Variants in KRT8 observed in about 807,000 individuals in gnomAD.
KRT8 encodes keratin 8.
Under a neutral mutation model 43.0 loss-of-function variants are expected in KRT8, and 24 were observed. The ratio of observed to expected loss-of-function variants is 0.56; its 90% CI spans 0.40 to 0.78. The LOEUF is 0.78. Among genes scored for constraint, KRT8 ranks in the 30% least tolerant of loss-of-function variants. The pLI, the probability that KRT8 is intolerant of heterozygous loss-of-function variation, is 0.00. For missense variants in KRT8, 492 were observed against 638.4 expected (o/e 0.77, Z 2.47); for synonymous variants, 214 against 261.2 (o/e 0.82, Z 1.74).
upstream of KRT8, among the ~76,000 whole-genome samples, chr12:52,911,775 G>A (rs1433217960): frequency 2.0e-5 from 3 of 152,168 alleles, no homozygotes; most frequent in African/African-American, 7.2e-5. Flanking sequence ...GCTCATGCCT[G>A]TAATCCCAGC....
chr12:52,940,363 G>A (rs1247835843), intron 2 of KRT8, among the ~76,000 whole-genome samples: 1 of 150,478 alleles, frequency 6.6e-6, no homozygotes, highest in Non-Finnish European at 1.5e-5. Flanking sequence ...AACCTGGGAG[G>A]TGGAGGTTGC....
intron 2 of KRT8, among the ~76,000 whole-genome samples, chr12:52,913,324 G>A (rs1941672102): frequency 6.6e-6 from 1 of 152,056 alleles, no homozygotes; most frequent in South Asian, 2.1e-4. Context: ...GATATTGCAG[G>A]GTGGCCCTAA....
intron 2 of KRT8, among the ~76,000 whole-genome samples, chr12:52,924,359 G>C (rs900159167): frequency 6.6e-6 from 1 of 151,566 alleles, no homozygotes; most frequent in Non-Finnish European, 1.5e-5. Flanking sequence ...TGAGGCAGGA[G>C]AATGGCATGA....
rs1592165921 is a variant in KRT8, at chr12:52,904,282, G to T, written c.324+376C>A. Among the ~76,000 whole-genome samples, 3 of 152,274 alleles carry T rather than the reference G, an allele frequency of 2.0e-5. No individual in the cohort carries two copies. The South Asian group carries it at 6.2e-4, about 32-fold the overall frequency. On this transcript the variant is annotated intron_variant, in intron 1 of 7. Coordinates refer to ENST00000692008, the Ensembl canonical transcript of KRT8. Reference sequence around the variant, plus strand: ...TTAAAAGACGGTCAGAACTCGGGTTGGGGTGAGAACAATAACCGCTATTAT... The same window carrying T: ...TTAAAAGACGGTCAGAACTCGGGTTTGGGTGAGAACAATAACCGCTATTAT...
intron 2 of KRT8, among the ~76,000 whole-genome samples, chr12:52,937,340 T>C (rs1315197357): frequency 6.8e-6 from 1 of 147,696 alleles, no homozygotes; most frequent in Non-Finnish European, 1.5e-5. Flanking sequence ...CACTGCACAA[T>C]CCAGCCTGGG....
intron 2 of KRT8, among the ~76,000 whole-genome samples, chr12:52,926,878 G>A (rs1293127423): frequency 3.3e-5 from 5 of 152,098 alleles, no homozygotes; most frequent in African/African-American, 7.2e-5. Context: ...AAGTAGGGGC[G>A]TGTCTTATAC....
chr12:52,919,977 G>A (rs1401566846), intron 2 of KRT8, among the ~76,000 whole-genome samples: 1 of 152,144 alleles, frequency 6.6e-6, no homozygotes, highest in East Asian at 1.9e-4. Context: ...CCATGAGGAA[G>A]GTAACATTGT....
At chr12:52,930,516 C>T (rs1262132654) in intron 2 of KRT8, among the ~76,000 whole-genome samples, 2 of 152,020 alleles carry the variant, frequency 1.3e-5, no homozygotes, top group African/African-American at 2.4e-5. Flanking sequence ...CCACCACGCC[C>T]GGCCCCCAAT....
At chr12:52,905,191 G>T, upstream of KRT8, 1 of 883,256 alleles carries the variant, frequency 1.1e-6, no homozygotes, top group Non-Finnish European at 1.7e-6. Context: ...CTCCGGGCAG[G>T]ACTCAGGTGG....
intron 2 of KRT8, among the ~76,000 whole-genome samples, chr12:52,935,529 TAA>T (rs376953061): frequency 9.3e-5 from 12 of 129,450 alleles, no homozygotes; most frequent in Admixed American, 8.2e-5. Context: ...TGTCTCTACT[TAA>T]AAAAAAAAAA....
intron 4 of KRT8, 120 bp from the exon 5 acceptor site, chr12:52,900,185 T>C: frequency 9.9e-7 from 1 of 1,007,756 alleles, no homozygotes; most frequent in Non-Finnish European, 1.5e-6. Flanking sequence ...CAGGTGGGAG[T>C]CAGGGTCAGG....
Position 52,901,145 on chromosome 12 carries a change from G to C in KRT8, c.594+14C>G, listed in dbSNP as rs1446149381. ...GCCTCCAGTGTCCAGATAGGAGAAG[G>C]GAGACTCCCTCACCTTCTTGATGAG... On this transcript the variant is annotated intron_variant, in intron 3 of 7. Transcript: ENST00000692008. 1 of 1,589,970 alleles carries C rather than the reference G, an allele frequency of 6.3e-7. No individual in the cohort carries two copies. The highest frequency in any genetic ancestry group is 8.6e-7 in the Non-Finnish European group (1 of 1,158,046).
At position 52,899,839 on chromosome 12, in the gene KRT8, TCA is replaced by T; in HGVS notation, c.915_916del (p.Glu306AspfsTer3). 6.2e-7 allele frequency: 1 copy of T among 1,612,158 alleles called. No homozygotes were observed. The highest frequency in any genetic ancestry group is 1.1e-5 in the South Asian group (1 of 90,982). ...GATGTTCCGGTTCATCTCAGAGATC[TCA>T]GTCTTTGTGCGCCGCAGGTCATCCC... On this transcript the variant is annotated frameshift_variant, in exon 5 of 8. Transcript: ENST00000692008. LOFTEE classifies it high-confidence loss of function.
At chr12:52,916,442 G>A (rs889733224) in intron 2 of KRT8, among the ~76,000 whole-genome samples, 16 of 152,202 alleles carry the variant, frequency 1.1e-4, no homozygotes, top group African/African-American at 3.6e-4. Context: ...AGCACCTTCT[G>A]TTCCAGCTAG....
rs192113929 is a variant in KRT8 at position 52,917,740 on chromosome 12, G to C, written c.-46-12713C>G. Among the ~76,000 whole-genome samples the C allele has an allele frequency of 3.4e-5, 5 of 147,524 alleles. No individual in the cohort carries two copies. The East Asian group carries it at 1.0e-3, about 30-fold the overall frequency. On this transcript the variant is annotated intron_variant, in intron 2 of 6. Transcript: ENST00000546826. Reference sequence around the variant, plus strand: ...AAAAAAAAAAAAAAATTCGCCAGGCGTTGTGGCAGGTGCCTGTAGTCCCAG... The same window carrying C: ...AAAAAAAAAAAAAAATTCGCCAGGCCTTGTGGCAGGTGCCTGTAGTCCCAG...
intron 2 of KRT8, chr12:52,949,017 G>A (rs1044175897): frequency 1.7e-5 from 11 of 644,080 alleles, no homozygotes; most frequent in Non-Finnish European, 2.9e-5. Context: ...GGAGGGCGCG[G>A]GCTCCGAGCC....
At chr12:52,924,842 C>T (rs1448399541) in intron 2 of KRT8, among the ~76,000 whole-genome samples, 1 of 152,138 alleles carries the variant, frequency 6.6e-6, no homozygotes, top group Non-Finnish European at 1.5e-5. Context: ...CTGTGGTCTG[C>T]GGCAACAGCC....
intron 2 of KRT8, among the ~76,000 whole-genome samples, chr12:52,921,512 C>T (rs1224247926): frequency 6.6e-6 from 1 of 152,150 alleles, no homozygotes; most frequent in Admixed American, 6.5e-5. Flanking sequence ...TGACCCTATC[C>T]TACTTGACTG....
chr12:52,898,640 G>T (rs1941277620), intron 6 of KRT8, 39 bp downstream of exon 6: 3 of 1,613,718 alleles, frequency 1.9e-6, no homozygotes, highest in Non-Finnish European at 2.5e-6. Flanking sequence ...AGGTCCCAGG[G>T]ATAGGGAAGC....
Sources: gnomAD v4.1 joint callset for allele counts (sites outside exome capture counted in the v4.1 genomes callset) on GRCh38, gnomAD v4.1.1 for gene constraint, MANE v1.5 for transcripts, NCBI Gene and HGNC (gene_info 2026-07-23, HGNC 2026-07-21) for gene names.